Variants in CUL3 observed in about 807,000 individuals in gnomAD.
CUL3 encodes the protein cullin 3.
A neutral mutation model predicts 89.1 loss-of-function variants in CUL3; 19 were observed. The observed-to-expected ratio is 0.21, with a 90% CI of 0.15 to 0.31. The LOEUF is 0.31. CUL3 is among the 10% of genes least tolerant of loss of function. The pLI, the probability that CUL3 is intolerant of heterozygous loss-of-function variation, is 1.00. For missense variants in CUL3, 469 were observed against 942.3 expected, an observed-to-expected ratio of 0.50 and a Z score of 6.58; for synonymous variants, 351 against 308.4, an observed-to-expected ratio of 1.14 and a Z score of -1.45.
At chr2:224,488,631 A>T (rs935053371) in intron 13 of CUL3, among the ~76,000 whole-genome samples, 9 of 152,166 alleles carry the variant, frequency 5.9e-5, no homozygotes, top group Admixed American at 2.6e-4. Flanking sequence ...TAGCCTACCA[A>T]CCCAAAAAAG....
intron 3 of CUL3, among the ~76,000 whole-genome samples, chr2:224,529,461 CAAAAAAA>C (rs34911671): frequency 7.8e-6 from 1 of 127,402 alleles, no homozygotes. Flanking sequence ...ACTAAAAATA[CAAAAAAA>C]AAAAAAAAAA....
intron 2 of CUL3, among the ~76,000 whole-genome samples, chr2:224,539,555 C>T (rs1234940271): frequency 1.3e-5 from 2 of 152,120 alleles, no homozygotes; most frequent in Admixed American, 6.5e-5. Context: ...GAAACCAAGA[C>T]GTTCTTCTGC....
At chr2:224,556,148 G>A (rs562970672) in intron 2 of CUL3, 1 of 152,116 alleles carries the variant, frequency 6.6e-6, no homozygotes, top group East Asian at 1.9e-4. Flanking sequence ...TACTGTTCTG[G>A]AACCACCATA....
intron 2 of CUL3, among the ~76,000 whole-genome samples, chr2:224,552,877 CA>C (rs1040992037): frequency 3.3e-5 from 5 of 151,816 alleles, no homozygotes; most frequent in African/African-American, 1.2e-4. Context: ...TTCAGAACAA[CA>C]AAAAAAGGTA....
At chr2:224,522,702 G>C (rs1693312879) in intron 3 of CUL3, among the ~76,000 whole-genome samples, 1 of 152,094 alleles carries the variant, frequency 6.6e-6, no homozygotes, top group Non-Finnish European at 1.5e-5. Flanking sequence ...GGTGGCGGGA[G>C]CCTGTAGCCC....
intron 2 of CUL3, among the ~76,000 whole-genome samples, chr2:224,536,299 T>C (rs1260475680): frequency 6.6e-6 from 1 of 152,228 alleles, no homozygotes; most frequent in Non-Finnish European, 1.5e-5. Flanking sequence ...CCATTCCTTC[T>C]GCCTCAATTC....
intron 3 of CUL3, among the ~76,000 whole-genome samples, chr2:224,516,331 T>G (rs1363842634): frequency 3.3e-5 from 5 of 151,300 alleles, no homozygotes; most frequent in African/African-American, 1.2e-4. Flanking sequence ...TTTTTTTTTT[T>G]TTTTGATATG....
intron 6 of CUL3, among the ~76,000 whole-genome samples, chr2:224,509,079 G>A (rs755763986): frequency 1.3e-4 from 19 of 151,984 alleles, no homozygotes; most frequent in Non-Finnish European, 2.1e-4. Flanking sequence ...TGATTTATGA[G>A]AATTTGGCTT....
chr2:224,519,583 G>A (rs755879205), intron 3 of CUL3, among the ~76,000 whole-genome samples: 3 of 152,066 alleles, frequency 2.0e-5, no homozygotes, highest in Non-Finnish European at 2.9e-5. Context: ...GCTAATAAAT[G>A]GAGAAGAAAC....
chr2:224,526,302 C>A (rs772565187), intron 3 of CUL3, among the ~76,000 whole-genome samples: 1 of 152,050 alleles, frequency 6.6e-6, no homozygotes, highest in Non-Finnish European at 1.5e-5. Context: ...GATGTATTTC[C>A]GGGCTGGGCG....
At chr2:224,541,333 G>T (rs1694095240) in intron 2 of CUL3, among the ~76,000 whole-genome samples, 1 of 152,058 alleles carries the variant, frequency 6.6e-6, no homozygotes, top group South Asian at 2.1e-4. Context: ...TTTTGTACAT[G>T]AACAGATGTT....
intron 3 of CUL3, among the ~76,000 whole-genome samples, chr2:224,534,238 G>A (rs1693797007): frequency 6.6e-6 from 1 of 152,094 alleles, no homozygotes; most frequent in South Asian, 2.1e-4. Flanking sequence ...AAACAGCTGA[G>A]ATCAAAGTCA....
In CUL3 at chr2:224,542,687, G is replaced by A. The variant is rs187366240; in HGVS notation, c.265-7046C>T. ...GCCTCCCAAAGTGTTGGGATTATAC[G>A]CATGAGTCACCGTGTCTGGCCTATT... On this transcript the variant is annotated intron_variant, in intron 2 of 15. Coordinates refer to ENST00000264414, the MANE Select transcript of CUL3 (RefSeq NM_003590.5). Among the ~76,000 whole-genome samples, 19 of 152,252 alleles carry A rather than the reference G, an allele frequency of 1.2e-4. No homozygotes were observed. The South Asian group carries it at 1.7e-3, about 13-fold the overall frequency.
intron 15 of CUL3, 107 bp from the exon 16 acceptor site, chr2:224,474,483 G>A: frequency 4.6e-6 from 4 of 868,250 alleles, no homozygotes; most frequent in Non-Finnish European, 6.8e-6. Context: ...TTTACTAACT[G>A]GATTACCAAA....
chr2:224,482,561 A>G (rs1203943940), intron 13 of CUL3, among the ~76,000 whole-genome samples: 2 of 151,994 alleles, frequency 1.3e-5, no homozygotes, highest in Non-Finnish European at 2.9e-5. Flanking sequence ...CAGACTGACC[A>G]TATGTATGCT....
Position 224,585,019 on chromosome 2 carries a change from C to T in CUL3, c.-10G>A, listed in dbSNP as rs1174165703. 1 of 1,495,564 alleles carries T rather than the reference C, an allele frequency of 6.7e-7. No homozygotes were observed. Among genetic ancestry groups the T allele is most frequent in the South Asian group, 1.2e-5 (1 of 84,240 alleles). 92.6% of individuals were successfully genotyped at this position (1,495,564 alleles called of 1,614,324 possible). On this transcript the variant is annotated 5_prime_UTR_variant, in exon 1 of 16. Coordinates refer to ENST00000264414, the MANE Select transcript of CUL3 (RefSeq NM_003590.5). The stretch of plus-strand genomic sequence containing the variant: ...TGCTCAGATTCGACATGGTGCTCGT[C>T]CCCTCCCCGGCGGCGGCTTCAGGTC...
At chr2:224,583,104 C>T (rs927641067) in intron 1 of CUL3, among the ~76,000 whole-genome samples, 2 of 152,114 alleles carry the variant, frequency 1.3e-5, no homozygotes, top group Non-Finnish European at 2.9e-5. Context: ...ATAGGCCTGG[C>T]GCGGTGGCTC....
At chr2:224,581,513 T>C (rs1022109465) in intron 1 of CUL3, among the ~76,000 whole-genome samples, 3 of 151,446 alleles carry the variant, frequency 2.0e-5, no homozygotes, top group East Asian at 1.9e-4. Flanking sequence ...CTTTTCTTTT[T>C]TTTTTTTTTG....
chr2:224,486,452 C>A (rs1023114914), intron 13 of CUL3, among the ~76,000 whole-genome samples: 1 of 151,964 alleles, frequency 6.6e-6, no homozygotes, highest in African/African-American at 2.4e-5. Context: ...AAACACAGCA[C>A]AAGAACTTCG....
Sources: gnomAD v4.1 joint callset for allele counts (sites outside exome capture counted in the v4.1 genomes callset) on GRCh38, gnomAD v4.1.1 for gene constraint, MANE v1.5 for transcripts, NCBI Gene and HGNC (gene_info 2026-07-23, HGNC 2026-07-21) for gene names.